Variants in CDH18 observed in about 807,000 individuals in gnomAD.
The protein encoded by CDH18 is cadherin 18.
CDH18 carries 31 observed loss-of-function variants against 67.9 expected under a neutral mutation model. The observed-to-expected ratio is 0.46, with a 90% CI of 0.34 to 0.62. The LOEUF (loss-of-function observed/expected upper bound fraction) is 0.62, where lower values mean the gene tolerates loss of function less well. Among genes scored for constraint, CDH18 ranks in the 20% least tolerant of loss-of-function variants. The pLI, the probability that CDH18 is intolerant of heterozygous loss-of-function variation, is 0.01. For synonymous variants in CDH18, 362 were observed against 347.2 expected (o/e 1.04, Z -0.48); for missense variants, 890 against 975.5 (o/e 0.91, Z 1.17).
intron 2 of CDH18, among the ~76,000 whole-genome samples, chr5:19,898,350 G>GT (rs1001526581): frequency 3.4e-5 from 1 of 29,146 alleles, no homozygotes; most frequent in African/African-American, 1.1e-4. Context: ...TGTTCTTATA[G>GT]TTAAAAAAAA....
intron 2 of CDH18, among the ~76,000 whole-genome samples, chr5:19,861,514 A>G (rs1289459853): frequency 6.6e-6 from 1 of 152,178 alleles, no homozygotes; most frequent in East Asian, 1.9e-4. Flanking sequence ...AGATGACATC[A>G]TTTGCTTTTC....
At chr5:19,656,069 T>C (rs1158650182) in intron 5 of CDH18, among the ~76,000 whole-genome samples, 1 of 151,066 alleles carries the variant, frequency 6.6e-6, no homozygotes. Flanking sequence ...ATTCTGGCTG[T>C]GAAATATACT....
chr5:20,325,253 T>A (rs1424125130), intron 1 of CDH18, among the ~76,000 whole-genome samples: 2 of 152,036 alleles, frequency 1.3e-5, no homozygotes, highest in African/African-American at 2.4e-5. Flanking sequence ...ATGAACTGAA[T>A]CCCCCCAGAA....
chr5:20,002,892 G>A (rs923207182), intron 2 of CDH18, among the ~76,000 whole-genome samples: 1 of 149,244 alleles, frequency 6.7e-6, no homozygotes, highest in Non-Finnish European at 1.5e-5. Flanking sequence ...TTGGTTTGCC[G>A]ATCACGGAAT....
At chr5:19,842,407 C>G (rs57307264) in intron 2 of CDH18, among the ~76,000 whole-genome samples, 1 of 151,980 alleles carries the variant, frequency 6.6e-6, no homozygotes, top group African/African-American at 2.4e-5. Flanking sequence ...CAAGATCTGA[C>G]GGTTTTATAA....
intron 2 of CDH18, among the ~76,000 whole-genome samples, chr5:20,209,128 G>C (rs1561878883): frequency 6.6e-6 from 1 of 152,056 alleles, no homozygotes; most frequent in African/African-American, 2.4e-5. Context: ...TGTGAAGAAA[G>C]GGGAATGTGT....
At chr5:19,701,941 G>A (rs1763302977) in intron 5 of CDH18, among the ~76,000 whole-genome samples, 1 of 152,032 alleles carries the variant, frequency 6.6e-6, no homozygotes, top group Non-Finnish European at 1.5e-5. Context: ...TATTGTGCAA[G>A]TCTTGCTCAC....
intron 1 of CDH18, among the ~76,000 whole-genome samples, chr5:20,334,557 G>C (rs1354143960): frequency 6.6e-6 from 1 of 152,026 alleles, no homozygotes; most frequent in Non-Finnish European, 1.5e-5. Context: ...AGAGAGAAGA[G>C]GGAACGACAT....
At chr5:20,281,928 C>A (rs1746309900) in intron 1 of CDH18, among the ~76,000 whole-genome samples, 1 of 152,110 alleles carries the variant, frequency 6.6e-6, no homozygotes, top group African/African-American at 2.4e-5. Context: ...AGATCCTTTG[C>A]ATCCCTTGTA....
At chr5:19,796,523 A>G (rs1030394648) in intron 3 of CDH18, among the ~76,000 whole-genome samples, 2 of 152,134 alleles carry the variant, frequency 1.3e-5, no homozygotes, top group South Asian at 4.1e-4. Flanking sequence ...TTTTCAGATA[A>G]AGGCAAACTA....
intron 5 of CDH18, among the ~76,000 whole-genome samples, chr5:19,698,240 T>G (rs561436151): frequency 3.0e-4 from 46 of 152,270 alleles, no homozygotes; most frequent in African/African-American, 9.4e-4. Context: ...GATATGGAAG[T>G]TTTTTTAAAT....
chr5:19,841,008 A>G (rs183622752), intron 2 of CDH18, among the ~76,000 whole-genome samples: 1 of 152,284 alleles, frequency 6.6e-6, no homozygotes, highest in Admixed American at 6.5e-5. Flanking sequence ...TTACAGCATG[A>G]TTCTCTTACA....
At chr5:19,984,938 A>G (rs911121745) in intron 1 of CDH18, among the ~76,000 whole-genome samples, 1 of 152,174 alleles carries the variant, frequency 6.6e-6, no homozygotes, top group African/African-American at 2.4e-5. Flanking sequence ...GAATAACCAG[A>G]GTGAATGCTC....
At chr5:19,736,026 A>G (rs1424928901) in intron 4 of CDH18, among the ~76,000 whole-genome samples, 1 of 152,254 alleles carries the variant, frequency 6.6e-6, no homozygotes, top group African/African-American at 2.4e-5. Flanking sequence ...TGAGACATTT[A>G]TGATTTGAGT....
At chr5:20,349,460 T>C (rs149818928) in intron 1 of CDH18, among the ~76,000 whole-genome samples, 37 of 152,230 alleles carry the variant, frequency 2.4e-4, no homozygotes, top group African/African-American at 7.2e-4. Context: ...GAATAATACA[T>C]GGAAAATCTT....
chr5:20,385,115 G>T (rs555226954), intron 1 of CDH18, among the ~76,000 whole-genome samples: 1 of 152,288 alleles, frequency 6.6e-6, no homozygotes, highest in East Asian at 1.9e-4. Flanking sequence ...GGGGTTACAG[G>T]TGTGAGCCAC....
intron 2 of CDH18, among the ~76,000 whole-genome samples, chr5:19,946,778 G>T (rs1795319655): frequency 6.6e-6 from 1 of 152,042 alleles, no homozygotes; most frequent in Admixed American, 6.6e-5. Flanking sequence ...AACCAGAAAA[G>T]GATAGTACAA....
chr5:19,871,990 G>T (rs942848888), intron 2 of CDH18, among the ~76,000 whole-genome samples: 1 of 152,082 alleles, frequency 6.6e-6, no homozygotes, highest in African/African-American at 2.4e-5. Flanking sequence ...GAGAAATCTT[G>T]TCTCCCATTG....
At chr5:20,010,939 T>C (rs1285433561) in intron 2 of CDH18, among the ~76,000 whole-genome samples, 2 of 152,186 alleles carry the variant, frequency 1.3e-5, no homozygotes, top group East Asian at 3.9e-4. Flanking sequence ...CTCAGGTTTC[T>C]GTAAAGCACC....
Sources: allele counts gnomAD v4.1 joint callset (sites outside exome capture counted in the v4.1 genomes callset), GRCh38; gene constraint gnomAD v4.1.1; transcripts MANE v1.5; gene names NCBI Gene and HGNC (gene_info 2026-07-23, HGNC 2026-07-21).